Variants in KAZN observed in about 807,000 individuals in gnomAD.
KAZN encodes the protein kazrin.
A neutral mutation model predicts 87.4 loss-of-function variants in KAZN; 40 were observed. The ratio of observed to expected loss-of-function variants is 0.46; its 90% CI spans 0.36 to 0.60. The LOEUF is 0.60. Among genes scored for constraint, KAZN ranks in the 20% least tolerant of loss-of-function variants. The pLI, the probability that KAZN is intolerant of heterozygous loss-of-function variation, is 0.00. For synonymous variants in KAZN, 466 were observed against 458.3 expected (o/e 1.02, Z -0.22); for missense variants, 898 against 1,073.9 (o/e 0.84, Z 2.29).
intron 1 of KAZN, among the ~76,000 whole-genome samples, chr1:14,123,596 T>C (rs1644796922): frequency 6.6e-6 from 1 of 152,230 alleles, no homozygotes. Flanking sequence ...AGGTTTCTGC[T>C]TCTCATTATG....
intron 1 of KAZN, among the ~76,000 whole-genome samples, chr1:14,956,531 G>A (rs921596183): frequency 4.0e-5 from 6 of 151,754 alleles, no homozygotes; most frequent in African/African-American, 1.5e-4. Flanking sequence ...GCTTGAACCC[G>A]GGAGGCAGAG....
chr1:15,020,841 GC>G (rs923637946), intron 2 of KAZN, among the ~76,000 whole-genome samples: 61 of 152,206 alleles, frequency 4.0e-4, no homozygotes, highest in African/African-American at 1.5e-3. Context: ...GATGTGACTT[GC>G]CCCAGGTCCC....
chr1:14,541,651 G>T (rs186279749), intron 2 of KAZN, among the ~76,000 whole-genome samples: 1 of 152,220 alleles, frequency 6.6e-6, no homozygotes, highest in Non-Finnish European at 1.5e-5. Flanking sequence ...AGAAGATCTG[G>T]TGCCCATCTG....
intron 1 of KAZN, among the ~76,000 whole-genome samples, chr1:14,838,986 G>T (rs1647616017): frequency 6.6e-6 from 1 of 152,164 alleles, no homozygotes; most frequent in Admixed American, 6.5e-5. Flanking sequence ...AGAGAGAAGG[G>T]CAAGCAGCCC....
chr1:14,604,845 G>T (rs1237949617), intron 1 of KAZN, among the ~76,000 whole-genome samples: 1 of 152,212 alleles, frequency 6.6e-6, no homozygotes, highest in African/African-American at 2.4e-5. Context: ...CAAGCAAAGA[G>T]CCCCAGGGCC....
At chr1:14,194,073 G>A (rs1646477165) in intron 2 of KAZN, among the ~76,000 whole-genome samples, 1 of 152,034 alleles carries the variant, frequency 6.6e-6, no homozygotes, top group African/African-American at 2.4e-5. Context: ...TAAATCAAAG[G>A]GAAACATGTC....
At chr1:14,480,946 G>T (rs1169992292) in intron 2 of KAZN, among the ~76,000 whole-genome samples, 1 of 148,166 alleles carries the variant, frequency 6.7e-6, no homozygotes, top group African/African-American at 2.5e-5. Flanking sequence ...TACATTTTAT[G>T]TATTATTTAT....
intron 1 of KAZN, among the ~76,000 whole-genome samples, chr1:13,962,803 C>G (rs920301364): frequency 1.3e-5 from 2 of 152,214 alleles, no homozygotes; most frequent in East Asian, 3.9e-4. Flanking sequence ...GGTGATCTAC[C>G]TGCCTTGGCC....
At chr1:13,903,353 T>C (rs188318150) in intron 1 of KAZN, among the ~76,000 whole-genome samples, 39 of 152,308 alleles carry the variant, frequency 2.6e-4, no homozygotes, top group Non-Finnish European at 2.4e-4. Context: ...GTCTGGACTT[T>C]CATCTGAAAA....
chr1:14,493,107 G>A (rs1669767177), intron 2 of KAZN, among the ~76,000 whole-genome samples: 2 of 152,100 alleles, frequency 1.3e-5, no homozygotes, highest in African/African-American at 2.4e-5. Flanking sequence ...CACCTCTCTA[G>A]GAAGGCGTGC....
At chr1:14,618,571 G>A (rs866195822) in intron 1 of KAZN, among the ~76,000 whole-genome samples, 5 of 152,292 alleles carry the variant, frequency 3.3e-5, no homozygotes, top group East Asian at 3.9e-4. Context: ...ATGTATTTTC[G>A]TGTTTAATCC....
At chr1:14,231,531 A>G (rs1462951004) in intron 2 of KAZN, among the ~76,000 whole-genome samples, 1 of 152,252 alleles carries the variant, frequency 6.6e-6, no homozygotes, top group Admixed American at 6.5e-5. Context: ...GACAGAATCA[A>G]AAATCCTGTA....
intron 2 of KAZN, among the ~76,000 whole-genome samples, chr1:14,221,229 C>T (rs1364344136): frequency 6.6e-6 from 1 of 152,134 alleles, no homozygotes; most frequent in Non-Finnish European, 1.5e-5. Context: ...GTTTTAGACT[C>T]AGTGCTTGAC....
intron 13 of KAZN, 92 bp from the exon 14 acceptor site, chr1:15,112,329 ATGTGTG>A (rs58658629): frequency 0.26 from 159,747 of 622,510 alleles, 7,772 homozygotes; most frequent in East Asian, 0.39. Flanking sequence ...ATTGTCACCA[ATGTGTG>A]TGTGTGTGTG....
chr1:14,263,956 G>A (rs954843363), intron 2 of KAZN, among the ~76,000 whole-genome samples: 1 of 152,090 alleles, frequency 6.6e-6, no homozygotes, highest in African/African-American at 2.4e-5. Context: ...TCAGCTCCTG[G>A]GCTATCTCAG....
At chr1:14,899,078 T>C (rs1268019968) in intron 1 of KAZN, among the ~76,000 whole-genome samples, 1 of 152,180 alleles carries the variant, frequency 6.6e-6, no homozygotes, top group Non-Finnish European at 1.5e-5. Context: ...ATGTTCCCTC[T>C]TGGAGACTCA....
At chr1:14,748,413 G>A (rs1644319258) in intron 1 of KAZN, among the ~76,000 whole-genome samples, 1 of 152,168 alleles carries the variant, frequency 6.6e-6, no homozygotes, top group African/African-American at 2.4e-5. Flanking sequence ...CCACTCACTA[G>A]TTTTGTGATT....
chr1:14,252,990 A>C (rs1364606047), intron 2 of KAZN, among the ~76,000 whole-genome samples: 1 of 152,164 alleles, frequency 6.6e-6, no homozygotes, highest in Non-Finnish European at 1.5e-5. Context: ...GAGGTTTCAC[A>C]GGCCAACCTG....
intron 1 of KAZN, among the ~76,000 whole-genome samples, chr1:14,114,311 T>C (rs1354497701): frequency 6.6e-6 from 1 of 152,124 alleles, no homozygotes; most frequent in Non-Finnish European, 1.5e-5. Context: ...CAGTGCACTT[T>C]TGAGGCAGGA....
Sources: gnomAD v4.1 joint callset for allele counts (sites outside exome capture counted in the v4.1 genomes callset) on GRCh38, gnomAD v4.1.1 for gene constraint, MANE v1.5 for transcripts, NCBI Gene and HGNC (gene_info 2026-07-23, HGNC 2026-07-21) for gene names.